Variants in ATP2C1 observed in about 807,000 individuals in gnomAD.
The protein encoded by ATP2C1 is calcium-transporting ATPase type 2C member 1.
A neutral mutation model predicts 120.5 loss-of-function variants in ATP2C1; 31 were observed. That is an observed-to-expected ratio of 0.26 (90% CI 0.19 to 0.35). The LOEUF is 0.35. Among genes scored for constraint, ATP2C1 ranks in the 10% least tolerant of loss-of-function variants. The probability of loss-of-function intolerance (pLI) is 1.00; values close to 1 mark genes in which losing one functional copy is unlikely to be tolerated. For synonymous variants in ATP2C1, 351 were observed against 358.7 expected, an observed-to-expected ratio of 0.98 and a Z score of 0.24; for missense variants, 731 against 1,107.5, an observed-to-expected ratio of 0.66 and a Z score of 4.83.
At chr3:130,953,448 C>T (rs900938141) in intron 8 of ATP2C1, among the ~76,000 whole-genome samples, 1 of 151,386 alleles carries the variant, frequency 6.6e-6, no homozygotes, top group South Asian at 2.1e-4. Flanking sequence ...TTTAATCTGC[C>T]AAGCCATATT....
chr3:130,999,277 A>C (rs1168836317), intron 26 of ATP2C1, among the ~76,000 whole-genome samples: 2 of 152,190 alleles, frequency 1.3e-5, no homozygotes, highest in East Asian at 3.8e-4. Flanking sequence ...TCTAAATTAT[A>C]TAGTGTCACT....
At chr3:130,949,026 C>T (rs1477996765) in intron 8 of ATP2C1, among the ~76,000 whole-genome samples, 1 of 152,074 alleles carries the variant, frequency 6.6e-6, no homozygotes, top group Non-Finnish European at 1.5e-5. Flanking sequence ...CTCTGAGAAA[C>T]AGCAATATGG....
At chr3:130,926,811 A>G (rs768609616) in intron 2 of ATP2C1, among the ~76,000 whole-genome samples, 8 of 152,338 alleles carry the variant, frequency 5.3e-5, no homozygotes, top group South Asian at 2.1e-4. Context: ...TTTTCCTATC[A>G]TGTGAAACAC....
intron 2 of ATP2C1, among the ~76,000 whole-genome samples, chr3:130,922,356 C>A (rs2059009086): frequency 6.6e-6 from 1 of 151,902 alleles, no homozygotes; most frequent in Non-Finnish European, 1.5e-5. Flanking sequence ...CTCTTCTTTT[C>A]TTGGCTAATG....
At chr3:130,930,390 A>G (rs1362872966) in intron 2 of ATP2C1, 26 bp from the exon 3 acceptor site, 4 of 1,423,022 alleles carry the variant, frequency 2.8e-6, no homozygotes, top group Non-Finnish European at 3.0e-6. Flanking sequence ...ATATTCAAAT[A>G]TTTTTTCTTT....
chr3:130,930,551 G>A (rs767106891), intron 3 of ATP2C1, 25 bp downstream of exon 3: 1 of 1,408,624 alleles, frequency 7.1e-7, no homozygotes, highest in East Asian at 2.3e-5. Flanking sequence ...GGGAGGAAGG[G>A]ACTAGATGGT....
At chr3:130,873,144 T>C (rs1274038048) in intron 1 of ATP2C1, among the ~76,000 whole-genome samples, 1 of 152,166 alleles carries the variant, frequency 6.6e-6, no homozygotes, top group Non-Finnish European at 1.5e-5. Flanking sequence ...CACACTGAAT[T>C]GAAAGAGGCA....
chr3:130,927,636 C>T (rs852223), intron 2 of ATP2C1: 68,700 of 152,176 alleles, frequency 0.45, 18,400 homozygotes, highest in Middle Eastern at 0.63. Context: ...TATGACTGCA[C>T]CTGGAGTTGA....
chr3:131,001,679 T>A lies in ATP2C1; in HGVS notation c.*329T>A. ...TAACAGTACAAATACACTATCTATC[T>A]TAGATAGATATATTTTTTTTTATTT... On this transcript the variant is annotated 3_prime_UTR_variant, in exon 28 of 28. Transcript: ENST00000510168. 1 of 981,114 alleles carries A rather than the reference T, an allele frequency of 1.0e-6. No individual in the cohort carries two copies. The highest frequency in any genetic ancestry group is 4.6e-5 in the South Asian group (1 of 21,614). 60.8% of individuals were successfully genotyped at this position (981,114 alleles called of 1,614,324 possible).
At chr3:130,978,789 A>T (rs1210392306) in intron 18 of ATP2C1, among the ~76,000 whole-genome samples, 1 of 152,182 alleles carries the variant, frequency 6.6e-6, no homozygotes, top group East Asian at 1.9e-4. Flanking sequence ...TTCTCTTCAG[A>T]GTGTTTAATT....
intron 2 of ATP2C1, chr3:130,918,295 T>C: frequency 6.4e-7 from 1 of 1,556,320 alleles, no homozygotes; most frequent in Non-Finnish European, 8.8e-7. Context: ...CATAGCACCC[T>C]TTACAATAGA....
intron 1 of ATP2C1, among the ~76,000 whole-genome samples, chr3:130,880,643 C>G (rs2068752393): frequency 6.6e-6 from 1 of 152,228 alleles, no homozygotes; most frequent in Non-Finnish European, 1.5e-5. Flanking sequence ...TTACCCTTCT[C>G]TATCATTTAT....
upstream of ATP2C1, among the ~76,000 whole-genome samples, chr3:130,892,997 A>C (rs534357706): frequency 1.3e-5 from 2 of 152,310 alleles, no homozygotes; most frequent in East Asian, 3.8e-4. Context: ...ATGGAGAAAA[A>C]CACATCTAGC....
chr3:130,880,795 C>G, intron 1 of ATP2C1, among the ~76,000 whole-genome samples: 1 of 152,192 alleles, frequency 6.6e-6, no homozygotes, highest in Middle Eastern at 3.2e-3. Flanking sequence ...CTGGGCTAAA[C>G]TGCAGGATCC....
At chr3:130,874,067 AC>A in intron 1 of ATP2C1, among the ~76,000 whole-genome samples, 1 of 151,664 alleles carries the variant, frequency 6.6e-6, no homozygotes, top group Non-Finnish European at 1.5e-5. Context: ...CTGAGATTAC[AC>A]CACTGCACTC....
At chr3:130,896,067 C>T (rs2069601477) in intron 2 of ATP2C1, among the ~76,000 whole-genome samples, 1 of 152,214 alleles carries the variant, frequency 6.6e-6, no homozygotes. Context: ...CCATTCTGCA[C>T]ATGAGACAAA....
chr3:130,907,299 T>C (rs1476599069), intron 2 of ATP2C1, among the ~76,000 whole-genome samples: 1 of 152,114 alleles, frequency 6.6e-6, no homozygotes, highest in East Asian at 1.9e-4. Context: ...CTTTTAAAAT[T>C]GTGATGAAGT....
At chr3:130,938,318 C>A (rs1304480018) in intron 6 of ATP2C1, among the ~76,000 whole-genome samples, 1 of 152,140 alleles carries the variant, frequency 6.6e-6, no homozygotes, top group Non-Finnish European at 1.5e-5. Context: ...TTAGCTAGAA[C>A]ATGGTTAACA....
At chr3:130,970,437 G>T (rs1446478272) in intron 17 of ATP2C1, among the ~76,000 whole-genome samples, 1 of 148,648 alleles carries the variant, frequency 6.7e-6, no homozygotes, top group Non-Finnish European at 1.5e-5. Flanking sequence ...CTTTTGCCTA[G>T]GCTGAGTGCA....
Sources: allele counts gnomAD v4.1 joint callset (sites outside exome capture counted in the v4.1 genomes callset), GRCh38; gene constraint gnomAD v4.1.1; transcripts MANE v1.5; gene names NCBI Gene and HGNC (gene_info 2026-07-23, HGNC 2026-07-21).